The following FLAD1 variants were observed in gnomAD, a reference collection of about 807,000 sequenced individuals.
The protein encoded by FLAD1 is bifunctional FAD diphosphatase/FAD synthase.
In FLAD1, 35 loss-of-function variants were observed where a neutral mutation model predicts 55.0. That is an observed-to-expected ratio of 0.64 (90% CI 0.49 to 0.84). FLAD1 has a LOEUF of 0.84. FLAD1 is among the 40% of genes least tolerant of loss of function. The probability of loss-of-function intolerance (pLI) is 0.00; values close to 1 mark genes in which losing one functional copy is unlikely to be tolerated. For synonymous variants in FLAD1, 267 were observed against 303.0 expected, an observed-to-expected ratio of 0.88 and a Z score of 1.23; for missense variants, 665 against 742.6, an observed-to-expected ratio of 0.90 and a Z score of 1.21.
In FLAD1 at chr1:154,988,131, C is replaced by A; in HGVS notation, c.399C>A (p.Phe133Leu). Residue 133 changes from phenylalanine (F) to leucine (L), a missense_variant, in exon 2 of 7, where the codon TTC becomes TTA. Coordinates refer to ENST00000292180, the MANE Select transcript of FLAD1 (RefSeq NM_025207.5). ...GACACACTCAGGACACCAACACCTT[C>A]TTTCTGTGCCGGACACTGCGCTCCC... is the stretch of plus-strand genomic sequence containing the variant. Reference protein sequence around the residue: ...LKGHTQDTNTFFLCRTLRSLG... With the variant: ...LKGHTQDTNTLFLCRTLRSLG... 1 of 1,614,262 alleles carries A rather than the reference C, an allele frequency of 6.2e-7. No homozygotes were observed. Among genetic ancestry groups the A allele is most frequent in the Non-Finnish European group, 8.5e-7 (1 of 1,180,042 alleles).
chr1:154,990,677 C>G, intron 5 of FLAD1, 149 bp downstream of exon 5: 1 of 730,052 alleles, frequency 1.4e-6, no homozygotes, highest in Non-Finnish European at 2.1e-6. Context: ...TCTGTTCATT[C>G]ATCCTTTTGA....
At chr1:154,989,394 G>A (rs1202422242) in intron 2 of FLAD1, among the ~76,000 whole-genome samples, 166 bp from the exon 3 acceptor site, 1 of 152,142 alleles carries the variant, frequency 6.6e-6, no homozygotes. Context: ...GGCAGGGCAG[G>A]TCAGGGGCAG....
chr1:154,988,182 A>T lies in FLAD1; in HGVS notation c.450A>T (p.Ser150=). 2.5e-6 allele frequency: 4 copies of T among 1,614,158 alleles called. No homozygotes were observed. Among genetic ancestry groups the T allele is most frequent in the Non-Finnish European group, 3.4e-6 (4 of 1,180,034 alleles). Residue 150 remains serine, a synonymous_variant, in exon 2 of 7, where the codon TCA becomes TCT. Coordinates refer to ENST00000292180, the MANE Select transcript of FLAD1 (RefSeq NM_025207.5). ...TAGGGGTCCAGGTTTGCCGAGTCTC[A>T]GTTGTACCTGATGAGGTAGCCACCA... The part of the protein sequence containing the change: ...RSLGVQVCRV[S]VVPDEVATIA...
At position 154,988,140 on chromosome 1, in the gene FLAD1, C is replaced by A. The variant is rs1057518160; in HGVS notation, c.408C>A (p.Cys136Ter). 26 of 1,614,108 alleles carry A rather than the reference C, an allele frequency of 1.6e-5. No homozygotes were observed. Among genetic ancestry groups the A allele is most frequent in the Non-Finnish European group, 2.1e-5 (25 of 1,180,044 alleles). Residue 136 changes from cysteine to a stop codon, truncating the protein, a stop_gained, in exon 2 of 7, where the codon TGC becomes TGA. Transcript: ENST00000292180. LOFTEE classifies it high-confidence loss of function. ...AGGACACCAACACCTTCTTTCTGTG[C>A]CGGACACTGCGCTCCCTAGGGGTCC... ...HTQDTNTFFL[C>*]RTLRSLGVQV...
At chr1:154,986,823 C>T (rs1657634258) in intron 1 of FLAD1, among the ~76,000 whole-genome samples, 1 of 149,972 alleles carries the variant, frequency 6.7e-6, no homozygotes, top group South Asian at 2.1e-4. Flanking sequence ...GTCTCAAACT[C>T]CTAGGCTCAA....
At chr1:154,992,520 A>G (rs1161741845) in intron 5 of FLAD1, 193 bp from the exon 6 acceptor site, 1 of 1,549,366 alleles carries the variant, frequency 6.5e-7, no homozygotes, top group African/African-American at 1.4e-5. Flanking sequence ...TGGAAAGCAG[A>G]GAGTGGAGAA....
chr1:154,992,176 G>A (rs1657903938), intron 5 of FLAD1, among the ~76,000 whole-genome samples: 1 of 147,082 alleles, frequency 6.8e-6, no homozygotes, highest in Non-Finnish European at 1.5e-5. Flanking sequence ...CGGGCATGGT[G>A]GCACACGCCT....
intron 1 of FLAD1, 147 bp from the exon 2 acceptor site, chr1:154,987,958 G>T (rs1657690437): frequency 2.6e-6 from 4 of 1,526,180 alleles, no homozygotes; most frequent in Non-Finnish European, 3.5e-6. Flanking sequence ...TCCCACTCTT[G>T]TGTCCAGTCC....
Position 154,993,056 on chromosome 1 carries a change from A to G in FLAD1, c.*19A>G, listed in dbSNP as rs1285887513. 2 of 1,609,866 alleles carry G rather than the reference A, an allele frequency of 1.2e-6. No individual in the cohort carries two copies. The highest frequency in any genetic ancestry group is 4.5e-5 in the East Asian group (2 of 44,856). On this transcript the variant is annotated 3_prime_UTR_variant, in exon 7 of 7. Transcript: ENST00000292180. ...CACATGACCTCCCACCCTAGGAGGG[A>G]GGGAAGGACACCGTCCTAGGGTATA... is the stretch of plus-strand genomic sequence containing the variant.
At chr1:154,985,031 A>ATTTTTTTTTTTTTTTTTTT (rs749772991) in intron 1 of FLAD1, among the ~76,000 whole-genome samples, 1 of 32,552 alleles carries the variant, frequency 3.1e-5, no homozygotes, top group Non-Finnish European at 5.3e-5. Context: ...CACCTGGCTA[A>ATTTTTTTTTTTTTTTTTTT]TTTTTTTTTT....
chr1:154,984,013 C>T lies in FLAD1; in HGVS notation c.319C>T (p.Pro107Ser), dbSNP rs559495946. The change falls in exon 1 of 7, where the codon CCG (proline) becomes TCG (serine). Residue 107 changes from proline to serine, a missense_variant. Transcript: ENST00000292180. The part of the protein sequence containing the change: ...TMTSRASELS[P>S]GRSVTAGIII... ...GACATCTAGGGCCTCTGAACTTTCT[C>T]CGGGGCGCAGCGTGACGGCTGGCAT... 1 of 1,515,186 alleles carries T rather than the reference C, an allele frequency of 6.6e-7. No individual in the cohort carries two copies. The highest frequency in any genetic ancestry group is 2.3e-5 in the East Asian group (1 of 43,906). The allele number at this position is 1,515,186 out of a possible 1,614,324, so 93.9% of individuals were successfully genotyped here. A position where few individuals can be genotyped will look rare whatever the true frequency, so the allele number is the denominator to read the frequency against.
Position 154,988,626 on chromosome 1 carries a change from T to C in FLAD1, c.894T>C (p.Ala298=). The C allele has an allele frequency of 6.2e-7, 1 of 1,614,244 alleles. No individual in the cohort carries two copies. Among genetic ancestry groups the C allele is most frequent in the Non-Finnish European group, 8.5e-7 (1 of 1,180,042 alleles). The part of the protein sequence containing the change: ...ADEASIAPIL[A]EAQAHFGRRL... The stretch of plus-strand genomic sequence containing the variant: ...AAGCCTCCATCGCCCCCATTCTGGC[T>C]GAGGCCCAGGCCCACTTTGGACGTA... Residue 298 remains alanine, a synonymous_variant, in exon 2 of 7, where the codon GCT becomes GCC. Transcript: ENST00000292180.
intron 5 of FLAD1, among the ~76,000 whole-genome samples, chr1:154,992,275 C>T (rs951573965): frequency 6.6e-5 from 10 of 151,688 alleles, no homozygotes; most frequent in Non-Finnish European, 1.2e-4. Flanking sequence ...AATCCCGTCT[C>T]TACTAAAAAT....
chr1:154,992,664 A>G, intron 5 of FLAD1, 49 bp from the exon 6 acceptor site: 1 of 1,614,178 alleles, frequency 6.2e-7, no homozygotes, highest in Non-Finnish European at 8.5e-7. Flanking sequence ...CAGGGGTAGA[A>G]GTGGGAAAGG....
intron 5 of FLAD1, among the ~76,000 whole-genome samples, chr1:154,992,097 C>T (rs1365199428): frequency 1.4e-5 from 2 of 144,386 alleles, no homozygotes; most frequent in African/African-American, 2.6e-5. Context: ...GAGCCAAGAT[C>T]GCGCCACTGC....
At chr1:154,989,519 T>C (rs756159770) in intron 2 of FLAD1, 41 bp from the exon 3 acceptor site, 1 of 1,501,454 alleles carries the variant, frequency 6.7e-7, no homozygotes, top group African/African-American at 1.4e-5. Context: ...TTGATAGCCA[T>C]ATGTGTCCAT....
At position 154,990,509 on chromosome 1, in the gene FLAD1, T is replaced by C. The variant is rs1283584896; in HGVS notation, c.1535T>C (p.Met512Thr). 6.2e-7 allele frequency: 1 copy of C among 1,608,140 alleles called. No individual in the cohort carries two copies. The highest frequency in any genetic ancestry group is 1.3e-5 in the African/African-American group (1 of 74,696). The change falls in exon 5 of 7, where the codon ATG becomes ACG. Residue 512 changes from methionine (M) to threonine (T), a missense_variant. Coordinates refer to ENST00000292180, the MANE Select transcript of FLAD1 (RefSeq NM_025207.5). ...ACTGACCCAGGCTGGCCCGCATTCA[T>C]GCGCATCAACCCACTGCTGGTAATG... ...SPTDPGWPAFMRINPLLDWTY... is the reference protein window; with the variant it reads ...SPTDPGWPAFTRINPLLDWTY...
intron 2 of FLAD1, 58 bp downstream of exon 2, chr1:154,988,907 C>T: frequency 6.2e-7 from 1 of 1,605,064 alleles, no homozygotes; most frequent in Non-Finnish European, 8.5e-7. Flanking sequence ...CACCCCAGAT[C>T]TCAGTAATGC....
chr1:154,989,000 G>A (rs1657747529), intron 2 of FLAD1, 151 bp downstream of exon 2: 1 of 1,474,952 alleles, frequency 6.8e-7, no homozygotes, highest in African/African-American at 1.4e-5. Flanking sequence ...AATAAATGTT[G>A]ATTGAGTACC....
Sources: gnomAD v4.1 joint callset for allele counts (sites outside exome capture counted in the v4.1 genomes callset) on GRCh38, gnomAD v4.1.1 for gene constraint, MANE v1.5 for transcripts, NCBI Gene and HGNC (gene_info 2026-07-23, HGNC 2026-07-21) for gene names.